Variants in NLRC5 observed in about 807,000 individuals in gnomAD.
The protein encoded by NLRC5 is NLR family CARD domain containing 5.
A neutral mutation model predicts 206.9 loss-of-function variants in NLRC5; 114 were observed. The observed-to-expected ratio is 0.55, with a 90% CI of 0.47 to 0.64. The LOEUF (loss-of-function observed/expected upper bound fraction) is 0.64. NLRC5 is among the 30% of genes least tolerant of loss of function. NLRC5 has a pLI of 0.00. For missense variants in NLRC5, 2,008 were observed against 2,305.5 expected (o/e 0.87, Z 2.64); for synonymous variants, 952 against 962.8 (o/e 0.99, Z 0.21).
chr16:57,046,487 A>ATGGGC, intron 21 of NLRC5, 65 bp from the exon 22 acceptor site: 1 of 1,349,690 alleles, frequency 7.4e-7, no homozygotes, highest in Non-Finnish European at 1.1e-6. Context: ...CTAGGGGTAT[A>ATGGGC]TGGGCTGGGC....
intron 1 of NLRC5, among the ~76,000 whole-genome samples, chr16:57,001,574 T>C (rs1211252693): frequency 6.6e-6 from 1 of 152,188 alleles, no homozygotes; most frequent in African/African-American, 2.4e-5. Context: ...GTGGTAATCA[T>C]AGCTTGTGTG....
chr16:57,060,882 C>G (rs2066382271), intron 30 of NLRC5, among the ~76,000 whole-genome samples: 1 of 152,222 alleles, frequency 6.6e-6, no homozygotes, highest in Non-Finnish European at 1.5e-5. Flanking sequence ...TGGGCCCTTT[C>G]ACTTGGCTGG....
intron 32 of NLRC5, 27 bp from the exon 33 acceptor site, chr16:57,065,185 C>A (rs1288948817): frequency 2.1e-6 from 3 of 1,456,736 alleles, no homozygotes; most frequent in South Asian, 1.4e-5. Context: ...CTTGGGGGGG[C>A]CTTATCTGTG....
chr16:57,067,768 A>G lies in NLRC5; in HGVS notation c.4439A>G (p.Asp1480Gly), dbSNP rs2067226249. The G allele has an allele frequency of 6.2e-7, 1 of 1,614,204 alleles. No homozygotes were observed. The highest frequency in any genetic ancestry group is 1.7e-5 in the Admixed American group (1 of 60,026). Reference protein sequence around the residue: ...LSQVNLCEDDDASSLLLQSLL... With the variant: ...LSQVNLCEDDGASSLLLQSLL... ...CAGGTTAACCTCTGTGAGGACGATG[A>G]TGCCAGTTCCCTGCTGCTGCAGAGC... Residue 1480 changes from aspartate (D) to glycine (G), a missense_variant, in exon 36 of 49, where the codon GAT (aspartate) becomes GGT (glycine). Physicochemically the swap from Asp to Gly is moderately conservative, Grantham distance 94. Transcript: ENST00000688547.
At chr16:57,045,574 A>G in intron 21 of NLRC5, 82 bp downstream of exon 21, 1 of 1,350,976 alleles carries the variant, frequency 7.4e-7, no homozygotes, top group South Asian at 1.2e-5. Context: ...CCCCAGACCC[A>G]TGCTGACCAC....
At chr16:57,051,855 C>T (rs377698713) in intron 24 of NLRC5, among the ~76,000 whole-genome samples, 1 of 152,146 alleles carries the variant, frequency 6.6e-6, no homozygotes. Flanking sequence ...CAGGGGGCGT[C>T]GTTTGCCTCC....
intron 46 of NLRC5, among the ~76,000 whole-genome samples, chr16:57,080,354 AG>A (rs1458581881): frequency 6.6e-6 from 1 of 152,174 alleles, no homozygotes; most frequent in Non-Finnish European, 1.5e-5. Flanking sequence ...CATCTTAGGA[AG>A]GGCATATGTT....
chr16:57,000,009 G>A (rs1461509311), intron 1 of NLRC5, among the ~76,000 whole-genome samples: 1 of 152,216 alleles, frequency 6.6e-6, no homozygotes, highest in Non-Finnish European at 1.5e-5. Context: ...TGGGTCTGGA[G>A]TGTGGCCCAT....
chr16:57,061,660 C>A lies in NLRC5; in HGVS notation c.4113C>A (p.Leu1371=), dbSNP rs1406777146. 6.2e-7 allele frequency: 1 copy of A among 1,610,210 alleles called. No homozygotes were observed. Among genetic ancestry groups the A allele is most frequent in the Non-Finnish European group, 8.5e-7 (1 of 1,179,314 alleles). ...CCLGQKQLAI[L]LSLVGRPAGL... is the part of the protein sequence containing the mutation. ...TGGGCCAGAAGCAGCTGGCCATCCT[C>A]CTGAGCTTGGTGGGGCGACCCGCAG... Residue 1371 remains leucine, a synonymous_variant, in exon 32 of 49, where the codon CTC becomes CTA. Transcript: ENST00000688547.
chr16:57,027,101 A>C, intron 6 of NLRC5, 83 bp downstream of exon 6: 1 of 1,465,196 alleles, frequency 6.8e-7, no homozygotes, highest in Non-Finnish European at 9.2e-7. Context: ...ACCTCTGCCA[A>C]GAGGACTGGA....
chr16:57,061,552 G>A (rs779283607), intron 31 of NLRC5, 21 bp downstream of exon 31: 38 of 1,609,218 alleles, frequency 2.4e-5, no homozygotes, highest in South Asian at 1.1e-4. Context: ...CACCCAGCCC[G>A]TGAGGACAGC....
intron 47 of NLRC5, 46 bp from the exon 48 acceptor site, chr16:57,081,481 C>A: frequency 6.4e-7 from 1 of 1,573,972 alleles, no homozygotes; most frequent in South Asian, 1.1e-5. Context: ...CACCCATTCT[C>A]ATGGCCGTGT....
At chr16:57,007,742 T>A (rs1011719013) in intron 1 of NLRC5, among the ~76,000 whole-genome samples, 2 of 152,112 alleles carry the variant, frequency 1.3e-5, no homozygotes, top group East Asian at 3.9e-4. Flanking sequence ...AAAAAATTTT[T>A]AAATGTCATT....
intron 1 of NLRC5, chr16:56,991,213 T>C (rs2056787766): frequency 1.3e-5 from 2 of 152,002 alleles, no homozygotes; most frequent in Admixed American, 6.6e-5. Flanking sequence ...AGGGGAAAGA[T>C]CTTGGAAGAG....
chr16:57,025,586 A>T lies in NLRC5; in HGVS notation c.643A>T (p.Thr215Ser). The change falls in exon 6 of 49, where the codon ACC becomes TCC. Residue 215 changes from threonine to serine, a missense_variant. Physicochemically the swap from Thr to Ser is moderately conservative, Grantham distance 58 (BLOSUM62 1). Transcript: ENST00000688547. ...ADVSISDLFN[T>S]RVNKGPRVTV... ...CGTGAGCATCTCGGACCTCTTCAAC[A>T]CCAGGGTTAACAAGGGCCCGAGGGT... 1 of 1,614,070 alleles carries T rather than the reference A, an allele frequency of 6.2e-7. No homozygotes were observed. The highest frequency in any genetic ancestry group is 2.2e-5 in the East Asian group (1 of 44,870).
At chr16:57,012,915 A>C (rs1036056636) in intron 1 of NLRC5, among the ~76,000 whole-genome samples, 1 of 152,206 alleles carries the variant, frequency 6.6e-6, no homozygotes, top group African/African-American at 2.4e-5. Context: ...GTGAAATGCT[A>C]TGTGGCTGTG....
intron 16 of NLRC5, 71 bp from the exon 17 acceptor site, chr16:57,040,579 A>G: frequency 6.7e-7 from 1 of 1,481,872 alleles, no homozygotes; most frequent in Non-Finnish European, 9.4e-7. Flanking sequence ...GTGGAAGGCC[A>G]GGCTGAGGAT....
chr16:57,040,321 G>A (rs1395412153), intron 16 of NLRC5, among the ~76,000 whole-genome samples: 1 of 152,224 alleles, frequency 6.6e-6, no homozygotes, highest in Non-Finnish European at 1.5e-5. Flanking sequence ...CTGGACTACT[G>A]AAGGCTCGAT....
intron 32 of NLRC5, 131 bp downstream of exon 32, chr16:57,061,832 C>A (rs1444572269): frequency 5.9e-6 from 9 of 1,534,540 alleles, no homozygotes; most frequent in Middle Eastern, 1.7e-4. Context: ...CATCTGGACC[C>A]TGAGCAAACC....
Sources: allele counts gnomAD v4.1 joint callset (sites outside exome capture counted in the v4.1 genomes callset), GRCh38; gene constraint gnomAD v4.1.1; transcripts MANE v1.5; gene names NCBI Gene and HGNC (gene_info 2026-07-23, HGNC 2026-07-21).